The following TSPAN15 variants were observed in gnomAD, a reference collection of about 807,000 sequenced individuals.
TSPAN15 encodes tetraspanin-15.
In TSPAN15, 20 loss-of-function variants were observed where a neutral mutation model predicts 34.5. That is an observed-to-expected ratio of 0.58 (90% CI 0.41 to 0.84). TSPAN15 has a LOEUF of 0.84. Ranked by LOEUF, TSPAN15 falls within the 40% of genes least tolerant of loss-of-function variation. TSPAN15 has a pLI of 0.00. For synonymous variants in TSPAN15, 155 were observed against 153.9 expected (o/e 1.01, Z -0.05); for missense variants, 313 against 386.1 (o/e 0.81, Z 1.59).
intron 1 of TSPAN15, among the ~76,000 whole-genome samples, chr10:69,474,335 C>T (rs917654704): frequency 1.3e-5 from 2 of 152,188 alleles, no homozygotes; most frequent in African/African-American, 4.8e-5. Flanking sequence ...AACTCTCAGG[C>T]AGTCTCTAGG....
intron 1 of TSPAN15, among the ~76,000 whole-genome samples, chr10:69,471,302 A>G (rs906993603): frequency 4.0e-5 from 6 of 151,752 alleles, no homozygotes; most frequent in Non-Finnish European, 8.8e-5. Context: ...TAGTAATAGT[A>G]AGACTCCCAC....
downstream of TSPAN15, chr10:69,507,793 G>T: frequency 1.6e-6 from 1 of 621,040 alleles, no homozygotes. Context: ...GGCATAGCTT[G>T]GGATACAGGT....
chr10:69,451,773 C>T (rs1840974485), intron 1 of TSPAN15, 83 bp downstream of exon 1: 1 of 1,134,590 alleles, frequency 8.8e-7, no homozygotes, highest in Admixed American at 3.8e-5. Context: ...GTTGGGTCCA[C>T]ACTTAGCCGC....
chr10:69,467,317 A>G (rs1256645757), intron 1 of TSPAN15, among the ~76,000 whole-genome samples: 1 of 152,150 alleles, frequency 6.6e-6, no homozygotes, highest in Non-Finnish European at 1.5e-5. Flanking sequence ...TTTGGGCATT[A>G]ATTCCAGGCC....
At chr10:69,525,233 A>G in the TSPAN15 span, among the ~76,000 whole-genome samples, 1,101 of 148,266 alleles carry the variant, frequency 7.4e-3, 65 homozygotes, top group African/African-American at 0.026. Flanking sequence ...CTGTATTTTT[A>G]GAGTTCATAA....
At chr10:69,516,817 T>C in the TSPAN15 span, among the ~76,000 whole-genome samples, 2 of 152,180 alleles carry the variant, frequency 1.3e-5, no homozygotes, top group Non-Finnish European at 2.9e-5. Flanking sequence ...GGGATGGTGA[T>C]CTGCTTTCTG....
chr10:69,476,049 CTA>C (rs1841607374), intron 1 of TSPAN15, among the ~76,000 whole-genome samples: 1 of 152,138 alleles, frequency 6.6e-6, no homozygotes, highest in East Asian at 1.9e-4. Context: ...CCAAACGGAT[CTA>C]TAGATTCATT....
At chr10:69,453,401 C>G (rs1047322256) in intron 1 of TSPAN15, among the ~76,000 whole-genome samples, 2 of 152,106 alleles carry the variant, frequency 1.3e-5, no homozygotes, top group Non-Finnish European at 2.9e-5. Context: ...CCCTAAGTCC[C>G]CAGGATTTCT....
chr10:69,507,223 CA>C lies in TSPAN15; in HGVS notation c.*247del, dbSNP rs1238119046. 2.1e-6 allele frequency: 3 copies of C among 1,397,612 alleles called. No homozygotes were observed. In the East Asian group the frequency reaches 8.3e-5, roughly 39 times the overall value. 86.6% of individuals were successfully genotyped at this position (1,397,612 alleles called of 1,614,324 possible). ...CTGTGCCCACCTGGGGCCTGGGGAA[CA>C]AGGCCCTCCTTTCTCCAGGCCTGGG... On this transcript the variant is annotated 3_prime_UTR_variant, in exon 8 of 8. Coordinates refer to ENST00000373290, the MANE Select transcript of TSPAN15 (RefSeq NM_012339.5).
intron 1 of TSPAN15, among the ~76,000 whole-genome samples, chr10:69,466,173 G>C (rs987286296): frequency 2.0e-5 from 3 of 152,184 alleles, no homozygotes; most frequent in African/African-American, 7.2e-5. Flanking sequence ...TTATTTTTTT[G>C]GATAGGATAT....
At chr10:69,491,949 A>C (rs1841978233) in intron 3 of TSPAN15, among the ~76,000 whole-genome samples, 1 of 152,180 alleles carries the variant, frequency 6.6e-6, no homozygotes, top group Admixed American at 6.5e-5. Flanking sequence ...AAAAACCCTG[A>C]GAGAGGGGTG....
At chr10:69,474,415 G>C (rs2133094054) in intron 1 of TSPAN15, among the ~76,000 whole-genome samples, 1 of 152,272 alleles carries the variant, frequency 6.6e-6, no homozygotes, top group South Asian at 2.1e-4. Flanking sequence ...GCTCCGAAAG[G>C]CTGCCAGGAC....
chr10:69,522,443 C>CT, the TSPAN15 span, among the ~76,000 whole-genome samples: 26,608 of 125,956 alleles, frequency 0.21, 3,920 homozygotes, highest in Middle Eastern at 0.27. Flanking sequence ...AACCAGATTG[C>CT]TTTTTTTTTT....
the TSPAN15 span, among the ~76,000 whole-genome samples, chr10:69,538,692 G>C: frequency 6.6e-6 from 1 of 152,178 alleles, no homozygotes; most frequent in Non-Finnish European, 1.5e-5. Flanking sequence ...TAGGCAGCTG[G>C]CATGAAGGGA....
At chr10:69,464,605 G>C (rs1422428997) in intron 1 of TSPAN15, among the ~76,000 whole-genome samples, 2 of 152,232 alleles carry the variant, frequency 1.3e-5, no homozygotes, top group Non-Finnish European at 2.9e-5. Flanking sequence ...TGCTTGCCAA[G>C]CTGAGCTGTA....
intron 1 of TSPAN15, among the ~76,000 whole-genome samples, chr10:69,463,088 A>G (rs988000025): frequency 3.3e-5 from 5 of 152,238 alleles, no homozygotes; most frequent in African/African-American, 1.2e-4. Context: ...GTTGTCTTCA[A>G]AACATTCTTT....
chr10:69,465,273 T>C (rs1841359675), intron 1 of TSPAN15, among the ~76,000 whole-genome samples: 2 of 152,184 alleles, frequency 1.3e-5, no homozygotes, highest in South Asian at 4.1e-4. Flanking sequence ...GGTAGACTCA[T>C]GTTCAGAGCA....
At chr10:69,525,534 A>C in the TSPAN15 span, among the ~76,000 whole-genome samples, 76 of 146,772 alleles carry the variant, frequency 5.2e-4, 6 homozygotes, top group Middle Eastern at 3.5e-3. Context: ...TTAAGTATTC[A>C]ACCTGGCCAG....
chr10:69,474,914 C>T (rs977844754), intron 1 of TSPAN15, among the ~76,000 whole-genome samples: 3 of 152,214 alleles, frequency 2.0e-5, no homozygotes, highest in African/African-American at 7.2e-5. Context: ...TCTGCTCTGA[C>T]TGACCTCTGG....
Sources: gnomAD v4.1 joint callset for allele counts (sites outside exome capture counted in the v4.1 genomes callset) on GRCh38, gnomAD v4.1.1 for gene constraint, MANE v1.5 for transcripts, NCBI Gene and HGNC (gene_info 2026-07-23, HGNC 2026-07-21) for gene names.